Variants in HBS1L observed in about 807,000 individuals in gnomAD.
HBS1L encodes the protein HBS1-like protein.
In HBS1L, 55 loss-of-function variants were observed where a neutral mutation model predicts 88.9. That is an observed-to-expected ratio of 0.62 (90% confidence interval 0.50 to 0.77). HBS1L has a LOEUF of 0.77. HBS1L is among the 30% of genes least tolerant of loss of function. The probability of loss-of-function intolerance (pLI) is 0.00; values close to 1 mark genes in which losing one functional copy is unlikely to be tolerated. For missense variants in HBS1L, 741 were observed against 829.3 expected (o/e 0.89, Z 1.31); for synonymous variants, 267 against 288.5 (o/e 0.93, Z 0.76).
chr6:135,034,216 G>T (rs1442213624), intron 4 of HBS1L, among the ~76,000 whole-genome samples: 1 of 149,872 alleles, frequency 6.7e-6, no homozygotes, highest in Non-Finnish European at 1.5e-5. Context: ...ACATGACACA[G>T]ATTAAAATTT....
At chr6:134,992,779 CTTAA>C (rs1408234839) in intron 8 of HBS1L, among the ~76,000 whole-genome samples, 1 of 152,032 alleles carries the variant, frequency 6.6e-6, no homozygotes, top group Non-Finnish European at 1.5e-5. Flanking sequence ...GTAAGCTAAG[CTTAA>C]TTTACTATTA....
intron 4 of HBS1L, among the ~76,000 whole-genome samples, chr6:135,020,657 TGAA>T (rs958179028): frequency 2.0e-5 from 3 of 152,120 alleles, no homozygotes; most frequent in East Asian, 1.9e-4. Context: ...ATAATCTTTC[TGAA>T]GAAGTGTGCT....
rs1554230605 is a variant in HBS1L, at chr6:135,032,934, G to GAAAAGGAAAAGTTT, written c.430+6638_430+6639insAAACTTTTCCTTTT. ...GTTAAAATGCCAGTTTAGTAACTAG[G>GAAAAGGAAAAGTTT]AAAAAGGAAAAGTTTTAAAAAGTGC... On this transcript the variant is annotated intron_variant, in intron 4 of 17. Transcript: ENST00000367837. 3.3e-5 allele frequency among the ~76,000 whole-genome samples: 5 copies of GAAAAGGAAAAGTTT among 151,662 alleles called. No homozygotes were observed. In the East Asian group the frequency reaches 9.7e-4, roughly 29 times the overall value.
At chr6:134,999,155 GC>G (rs1775374835) in intron 5 of HBS1L, among the ~76,000 whole-genome samples, 1 of 152,104 alleles carries the variant, frequency 6.6e-6, no homozygotes, top group African/African-American at 2.4e-5. Flanking sequence ...ACAATCTCGG[GC>G]CCCAGATCTT....
Position 135,049,333 on chromosome 6 carries a change from T to C in HBS1L, c.109+1249A>G, listed in dbSNP as rs1229663103. Reference sequence around the variant, plus strand: ...CCCATTCATGAGGGCTCTACCCTCATGGCCTAATCACCTCCCCTCCCAAGG... The same window carrying C: ...CCCATTCATGAGGGCTCTACCCTCACGGCCTAATCACCTCCCCTCCCAAGG... On this transcript the variant is annotated intron_variant, in intron 2 of 17. Coordinates refer to ENST00000367837, the MANE Select transcript of HBS1L (RefSeq NM_006620.4). Among the ~76,000 whole-genome samples, 3 of 152,104 alleles carry C rather than the reference T, an allele frequency of 2.0e-5. No homozygotes were observed. The South Asian group carries it at 6.2e-4, about 32-fold the overall frequency.
At chr6:134,975,882 GAT>G (rs1774629490) in intron 15 of HBS1L, among the ~76,000 whole-genome samples, 1 of 152,040 alleles carries the variant, frequency 6.6e-6, no homozygotes, top group Admixed American at 6.6e-5. Flanking sequence ...CCCCAAAGCA[GAT>G]TCAACGGAAA....
chr6:135,014,819 C>A (rs1775871155), intron 4 of HBS1L, among the ~76,000 whole-genome samples: 1 of 137,418 alleles, frequency 7.3e-6, no homozygotes, highest in Non-Finnish European at 1.5e-5. Context: ...GAGTTCAAGA[C>A]CAGCCTGGGC....
intron 4 of HBS1L, among the ~76,000 whole-genome samples, chr6:135,033,646 C>T (rs1325253889): frequency 1.3e-5 from 2 of 152,126 alleles, no homozygotes; most frequent in African/African-American, 4.8e-5. Flanking sequence ...TAGTTACAAC[C>T]CTAATCAGCC....
intron 15 of HBS1L, among the ~76,000 whole-genome samples, chr6:134,978,325 T>C (rs540968004): frequency 6.6e-6 from 1 of 151,996 alleles, no homozygotes; most frequent in Non-Finnish European, 1.5e-5. Context: ...CCCAGAATGA[T>C]TCAACCTAAA....
chr6:135,015,462 C>T (rs1218707636), intron 4 of HBS1L, among the ~76,000 whole-genome samples: 1 of 152,206 alleles, frequency 6.6e-6, no homozygotes, highest in Non-Finnish European at 1.5e-5. Flanking sequence ...TCCTCTAAAT[C>T]TCAGGACCTC....
intron 15 of HBS1L, among the ~76,000 whole-genome samples, chr6:134,974,161 G>T (rs1774575639): frequency 6.6e-6 from 1 of 151,866 alleles, no homozygotes; most frequent in Non-Finnish European, 1.5e-5. Flanking sequence ...TAGAGGAAAC[G>T]GATAAATCCT....
intron 4 of HBS1L, among the ~76,000 whole-genome samples, chr6:135,033,284 G>A (rs1315573497): frequency 2.6e-5 from 4 of 152,192 alleles, no homozygotes; most frequent in Admixed American, 1.3e-4. Flanking sequence ...TAGCATACCT[G>A]AGCTACTAAG....
chr6:134,979,341 G>T, intron 13 of HBS1L, 73 bp from the exon 14 acceptor site: 1 of 1,026,184 alleles, frequency 9.7e-7, no homozygotes, highest in Non-Finnish European at 1.5e-6. Context: ...ACAGAGTTTG[G>T]CTGATTTGTG....
chr6:134,978,779 C>A lies in HBS1L; in HGVS notation c.1697G>T (p.Cys566Phe). 1 of 1,595,516 alleles carries A rather than the reference C, an allele frequency of 6.3e-7. No homozygotes were observed. Among genetic ancestry groups the A allele is most frequent in the South Asian group, 1.1e-5 (1 of 88,396 alleles). Reference protein sequence around the residue: ...GMDIIKINVGCIFCGPKVPIK... With the variant: ...GMDIIKINVGFIFCGPKVPIK... The stretch of plus-strand genomic sequence containing the variant: ...GGGTACTTTGGGGCCACAAAATATG[C>A]AGCCAACACTGTAAGAACAACAAAA... The change falls in exon 15 of 18, where the codon TGC becomes TTC. Residue 566 changes from cysteine (C) to phenylalanine (F), a missense_variant. By Grantham distance (205) the Cys-to-Phe change is radical. Coordinates refer to ENST00000367837, the MANE Select transcript of HBS1L (RefSeq NM_006620.4).
At chr6:135,037,258 T>C (rs1776583522) in intron 4 of HBS1L, 15 of 1,551,990 alleles carry the variant, frequency 9.7e-6, no homozygotes, top group Non-Finnish European at 1.3e-5. Context: ...GGCAGATGAC[T>C]GGTTACAAAG....
At chr6:134,969,206 C>G in intron 16 of HBS1L, 32 bp downstream of exon 16, 1 of 1,443,610 alleles carries the variant, frequency 6.9e-7, no homozygotes. Context: ...GCTTAAATTG[C>G]TTGTTTATCA....
At chr6:134,966,576 C>G in intron 16 of HBS1L, 103 bp from the exon 17 acceptor site, 1 of 707,252 alleles carries the variant, frequency 1.4e-6, no homozygotes, top group Non-Finnish European at 2.2e-6. Flanking sequence ...AACATATCAA[C>G]TGAGTCTTTC....
chr6:135,039,897 T>G, intron 3 of HBS1L, 130 bp from the exon 4 acceptor site: 1 of 680,772 alleles, frequency 1.5e-6, no homozygotes, highest in Non-Finnish European at 2.4e-6. Context: ...TGGCAAAAAT[T>G]ATCTCTAATG....
At chr6:135,017,992 C>A (rs962438879) in intron 4 of HBS1L, among the ~76,000 whole-genome samples, 47 of 147,046 alleles carry the variant, frequency 3.2e-4, no homozygotes, top group Middle Eastern at 3.5e-3. Flanking sequence ...AACAAACAAA[C>A]AAAAAAAAAA....
Sources: gnomAD v4.1 joint callset for allele counts (sites outside exome capture counted in the v4.1 genomes callset) on GRCh38, gnomAD v4.1.1 for gene constraint, MANE v1.5 for transcripts, NCBI Gene and HGNC (gene_info 2026-07-23, HGNC 2026-07-21) for gene names.